Variants in SVOP observed in about 807,000 individuals in gnomAD.
The protein encoded by SVOP is synaptic vesicle 2-related protein.
Under a neutral mutation model 69.1 loss-of-function variants are expected in SVOP, and 17 were observed. The ratio of observed to expected loss-of-function variants is 0.25; its 90% CI spans 0.17 to 0.37. SVOP has a LOEUF of 0.37. Among genes scored for constraint, SVOP ranks in the 10% least tolerant of loss-of-function variants. SVOP has a pLI of 1.00. For missense variants in SVOP, 435 were observed against 597.5 expected, an observed-to-expected ratio of 0.73 and a Z score of 2.84; for synonymous variants, 238 against 238.6, an observed-to-expected ratio of 1.00 and a Z score of 0.02.
chr12:108,916,563 C>A (rs2039715117), intron 14 of SVOP, among the ~76,000 whole-genome samples: 1 of 152,134 alleles, frequency 6.6e-6, no homozygotes, highest in Admixed American at 6.5e-5. Flanking sequence ...CCTTCTGCCT[C>A]CCCATGCCAC....
chr12:108,969,356 TTTC>T (rs1238123251), intron 5 of SVOP, among the ~76,000 whole-genome samples: 1 of 139,070 alleles, frequency 7.2e-6, no homozygotes, highest in African/African-American at 2.7e-5. Flanking sequence ...CTCTTTCTCC[TTTC>T]TTCTTTCCCC....
At chr12:108,945,769 AG>A (rs1043260249) in intron 6 of SVOP, among the ~76,000 whole-genome samples, 4 of 152,156 alleles carry the variant, frequency 2.6e-5, no homozygotes, top group Non-Finnish European at 5.9e-5. Context: ...CAATAAGTCC[AG>A]GGAAAAATGT....
chr12:108,951,241 A>G (rs1346596438), intron 6 of SVOP, among the ~76,000 whole-genome samples: 1 of 152,194 alleles, frequency 6.6e-6, no homozygotes, highest in Non-Finnish European at 1.5e-5. Flanking sequence ...CTAAAACACA[A>G]GTAGGGCGTG....
At chr12:108,953,602 T>C (rs886452060) in intron 6 of SVOP, among the ~76,000 whole-genome samples, 2 of 152,212 alleles carry the variant, frequency 1.3e-5, no homozygotes, top group African/African-American at 4.8e-5. Flanking sequence ...TTTAATTGCA[T>C]TTAATCACAT....
Position 108,997,708 on chromosome 12 carries a change from A to C in SVOP, c.36-13947T>G, listed in dbSNP as rs558187722. ...ACCCCCCAGCAGGGGCACACTGACA[A>C]CTCACAAGGCAGGGTATTCCAACAG... On this transcript the variant is annotated intron_variant, in intron 1 of 15. Coordinates refer to ENST00000610966, the MANE Select transcript of SVOP (RefSeq NM_018711.5). 4.5e-3 allele frequency among the ~76,000 whole-genome samples: 654 copies of C among 146,316 alleles called. 11 individuals carry two copies. Among genetic ancestry groups the C allele is most frequent in the Middle Eastern group, 0.022 (6 of 274 alleles).
intron 1 of SVOP, among the ~76,000 whole-genome samples, chr12:108,996,139 G>C (rs1322122061): frequency 6.6e-6 from 1 of 152,084 alleles, no homozygotes; most frequent in African/African-American, 2.4e-5. Context: ...TGGCAGAAGT[G>C]GGAAGATCAC....
intron 9 of SVOP, 34 bp downstream of exon 9, chr12:108,938,793 G>A (rs759665153): frequency 6.2e-6 from 10 of 1,613,360 alleles, no homozygotes; most frequent in South Asian, 2.2e-5. Context: ...ACCCCGATAC[G>A]CACATTGCAG....
At chr12:109,011,461 C>T (rs1315078375) in intron 1 of SVOP, among the ~76,000 whole-genome samples, 1 of 152,150 alleles carries the variant, frequency 6.6e-6, no homozygotes, top group Non-Finnish European at 1.5e-5. Flanking sequence ...GTCTAGGGAT[C>T]CTCCCCCTCC....
At chr12:108,915,244 T>C (rs929660513) in intron 15 of SVOP, among the ~76,000 whole-genome samples, 3 of 151,822 alleles carry the variant, frequency 2.0e-5, no homozygotes, top group African/African-American at 7.3e-5. Flanking sequence ...CACAGATATA[T>C]TGCATGATGC....
At chr12:108,987,980 G>C (rs2040175372) in intron 1 of SVOP, among the ~76,000 whole-genome samples, 1 of 152,166 alleles carries the variant, frequency 6.6e-6, no homozygotes, top group Admixed American at 6.5e-5. Flanking sequence ...GGAGTGCAGT[G>C]GCGTGATCAT....
chr12:108,983,835 C>G, intron 1 of SVOP, 74 bp from the exon 2 acceptor site: 1 of 398,664 alleles, frequency 2.5e-6, no homozygotes, highest in Non-Finnish European at 4.4e-6. Context: ...GCTCTAGTGA[C>G]CAGGACAGGT....
intron 7 of SVOP, among the ~76,000 whole-genome samples, chr12:108,944,553 G>A (rs974830720): frequency 6.6e-6 from 1 of 152,108 alleles, no homozygotes; most frequent in African/African-American, 2.4e-5. Context: ...GGGGCCATTG[G>A]GCAGCTGCAT....
rs569548173 is a variant in SVOP at position 108,972,309 on chromosome 12, C to T, written c.453+96G>A. The T allele has an allele frequency of 1.2e-4, 146 of 1,194,424 alleles. 2 individuals carry two copies. In the South Asian group the frequency reaches 1.8e-3, roughly 15 times the overall value. The allele number at this position is 1,194,424 out of a possible 1,614,324, so 74.0% of individuals were successfully genotyped here. ...TACTTCAACATCATCCTTATTAGGC[C>T]TCCCAACTGCTAATGCAGAACGGGT... is the stretch of plus-strand genomic sequence containing the variant. On this transcript the variant is annotated intron_variant, in intron 5 of 15. Transcript: ENST00000610966.
chr12:108,947,868 T>A (rs568804113), intron 6 of SVOP, among the ~76,000 whole-genome samples: 1 of 152,216 alleles, frequency 6.6e-6, no homozygotes, highest in South Asian at 2.1e-4. Context: ...TAAAGGGAAG[T>A]TAATTTCCTT....
intron 7 of SVOP, among the ~76,000 whole-genome samples, chr12:108,944,493 G>A (rs577216968): frequency 6.6e-6 from 1 of 152,254 alleles, no homozygotes; most frequent in East Asian, 1.9e-4. Context: ...CATCACTGTT[G>A]GAATCAATGT....
chr12:109,003,404 C>T (rs990073146), intron 1 of SVOP, among the ~76,000 whole-genome samples: 1 of 152,224 alleles, frequency 6.6e-6, no homozygotes, highest in Non-Finnish European at 1.5e-5. Context: ...CTATGCTCTG[C>T]TTTCGTCTGT....
At chr12:108,987,653 G>A (rs936712217) in intron 1 of SVOP, among the ~76,000 whole-genome samples, 1 of 152,130 alleles carries the variant, frequency 6.6e-6, no homozygotes, top group Admixed American at 6.5e-5. Context: ...GGTGTGAGAT[G>A]GTATCTCATT....
chr12:108,965,399 T>C (rs748607297), intron 5 of SVOP, among the ~76,000 whole-genome samples: 4 of 152,086 alleles, frequency 2.6e-5, no homozygotes, highest in Non-Finnish European at 5.9e-5. Flanking sequence ...AAAACATAAA[T>C]GCACAATGCA....
intron 8 of SVOP, 41 bp downstream of exon 8, chr12:108,940,743 T>C (rs750729174): frequency 1.1e-5 from 17 of 1,530,266 alleles, no homozygotes; most frequent in South Asian, 4.8e-5. Flanking sequence ...GACAGTAAGA[T>C]GTCAGACAGC....
Sources: gnomAD v4.1 joint callset for allele counts (sites outside exome capture counted in the v4.1 genomes callset) on GRCh38, gnomAD v4.1.1 for gene constraint, MANE v1.5 for transcripts, NCBI Gene and HGNC (gene_info 2026-07-23, HGNC 2026-07-21) for gene names.